The following EYS variants were observed in gnomAD, a reference collection of about 807,000 sequenced individuals.
The protein encoded by EYS is EGF-like photoreceptor maintenance factor.
In EYS, 250 loss-of-function variants were observed where a neutral mutation model predicts 282.1. The observed-to-expected ratio is 0.89, with a 90% CI of 0.80 to 0.98. EYS has a LOEUF of 0.98. EYS is among the 50% of genes least tolerant of loss of function. The pLI, the probability that EYS is intolerant of heterozygous loss-of-function variation, is 0.00. For missense variants in EYS, 4,016 were observed against 3,709.0 expected, an observed-to-expected ratio of 1.08 and a Z score of -2.15; for synonymous variants, 1,355 against 1,282.9, an observed-to-expected ratio of 1.06 and a Z score of -1.20.
At chr6:65,315,576 T>C (rs1769276242) in intron 11 of EYS, among the ~76,000 whole-genome samples, 1 of 150,952 alleles carries the variant, frequency 6.6e-6, no homozygotes, top group East Asian at 1.9e-4. Context: ...TTTTGCTCCA[T>C]ATTATGTTTG....
At chr6:65,092,148 T>G (rs899411432) in intron 12 of EYS, among the ~76,000 whole-genome samples, 1 of 152,132 alleles carries the variant, frequency 6.6e-6, no homozygotes, top group Non-Finnish European at 1.5e-5. Context: ...TAAAAGATAA[T>G]TTTTGGTTCT....
intron 12 of EYS, among the ~76,000 whole-genome samples, chr6:65,293,999 G>T (rs1768596716): frequency 6.6e-6 from 1 of 151,708 alleles, no homozygotes; most frequent in Admixed American, 6.6e-5. Context: ...AAATGGAGGG[G>T]GGAAAAGAGA....
At chr6:64,726,057 T>A (rs1771744983) in intron 22 of EYS, among the ~76,000 whole-genome samples, 2 of 152,148 alleles carry the variant, frequency 1.3e-5, no homozygotes, top group Admixed American at 6.5e-5. Flanking sequence ...GTATGTTGAC[T>A]TGACAATATC....
rs1769469559 is a variant in EYS, at chr6:64,306,965, T to G, written c.6191+5A>C. 7.3e-7 allele frequency: 1 copy of G among 1,371,474 alleles called. No homozygotes were observed. Among genetic ancestry groups the G allele is most frequent in the Non-Finnish European group, 1.0e-6 (1 of 986,500 alleles). The allele number at this position is 1,371,474 out of a possible 1,614,324, so 85.0% of individuals were successfully genotyped here. A position where few individuals can be genotyped will look rare whatever the true frequency, so the allele number is the denominator to read the frequency against. On this transcript the variant is annotated splice_donor_5th_base_variant and intron_variant, in intron 30 of 42. Coordinates refer to ENST00000503581, the MANE Select transcript of EYS (RefSeq NM_001142800.2). Reference sequence around the variant, plus strand: ...TTATTAGAAAAATCACTACTGCTATTTTACCTGCAATTGTTAATGTGATAG... The same window carrying G: ...TTATTAGAAAAATCACTACTGCTATGTTACCTGCAATTGTTAATGTGATAG...
chr6:64,441,393 A>C (rs1774941485), intron 26 of EYS, among the ~76,000 whole-genome samples: 1 of 152,206 alleles, frequency 6.6e-6, no homozygotes, highest in African/African-American at 2.4e-5. Context: ...CAGAGCTTTC[A>C]ATTGCAATTT....
intron 22 of EYS, among the ~76,000 whole-genome samples, chr6:64,725,569 T>C (rs1183611089): frequency 6.6e-6 from 1 of 152,152 alleles, no homozygotes; most frequent in African/African-American, 2.4e-5. Context: ...GAATACAATA[T>C]TAAATTTAAC....
chr6:64,635,492 G>T (rs1448282861), intron 22 of EYS, among the ~76,000 whole-genome samples: 1 of 152,098 alleles, frequency 6.6e-6, no homozygotes, highest in Non-Finnish European at 1.5e-5. Flanking sequence ...TTTGAGATAT[G>T]TCCCATCAAT....
chr6:65,378,170 C>T (rs950639151), intron 8 of EYS, among the ~76,000 whole-genome samples: 58 of 152,238 alleles, frequency 3.8e-4, no homozygotes, highest in African/African-American at 1.4e-3. Context: ...GTACAAAGAA[C>T]TTAAACAAAT....
At chr6:65,591,466 T>C (rs1242197130) in intron 2 of EYS, among the ~76,000 whole-genome samples, 1 of 151,974 alleles carries the variant, frequency 6.6e-6, no homozygotes, top group Non-Finnish European at 1.5e-5. Context: ...GTAAACACAA[T>C]ACATTTAAAA....
chr6:65,236,663 C>T (rs1035774315), intron 12 of EYS, among the ~76,000 whole-genome samples: 11 of 151,920 alleles, frequency 7.2e-5, no homozygotes, highest in Admixed American at 2.0e-4. Flanking sequence ...TTTGTGGCTA[C>T]CAAATATATG....
intron 30 of EYS, among the ~76,000 whole-genome samples, chr6:64,261,475 T>C (rs1360043737): frequency 6.6e-6 from 1 of 152,148 alleles, no homozygotes; most frequent in African/African-American, 2.4e-5. Flanking sequence ...TGTTTTTGTC[T>C]TATTTTATTG....
intron 35 of EYS, among the ~76,000 whole-genome samples, chr6:63,878,479 G>A (rs143500846): frequency 0.018 from 2,809 of 152,246 alleles, 79 homozygotes; most frequent in African/African-American, 0.064. Context: ...CTCCATGCTC[G>A]GAGAACCACT....
chr6:65,280,959 C>G (rs1447878779), intron 12 of EYS, among the ~76,000 whole-genome samples: 6 of 145,502 alleles, frequency 4.1e-5, no homozygotes, highest in Non-Finnish European at 9.0e-5. Context: ...TCGCTTGAAC[C>G]CAGGAGATGG....
intron 2 of EYS, among the ~76,000 whole-genome samples, chr6:65,558,353 C>T (rs367859299): frequency 2.6e-5 from 4 of 152,328 alleles, no homozygotes; most frequent in Non-Finnish European, 4.4e-5. Flanking sequence ...TATGACGGTG[C>T]CTGGGCTCGG....
rs1175129177 is a variant in EYS at position 65,707,130 on chromosome 6, C to T, written c.-448+5G>A. 3 of 152,088 alleles carry T rather than the reference C, an allele frequency of 2.0e-5. No homozygotes were observed. The highest frequency in any genetic ancestry group is 4.4e-5 in the Non-Finnish European group (3 of 68,018). 9.4% of individuals were successfully genotyped at this position (152,088 alleles called of 1,614,324 possible). On this transcript the variant is annotated splice_donor_5th_base_variant and intron_variant, in intron 1 of 42. Coordinates refer to ENST00000503581, the MANE Select transcript of EYS (RefSeq NM_001142800.2). ...AATTTCTAGGTGGAATCAAGTATAA[C>T]TTACCCCAACCATTAGCCAAGGAGG...
intron 33 of EYS, among the ~76,000 whole-genome samples, chr6:64,021,813 A>G (rs1769206594): frequency 6.6e-6 from 1 of 152,300 alleles, no homozygotes; most frequent in Non-Finnish European, 1.5e-5. Context: ...TAGTTACCTA[A>G]AAGTTCTCTA....
At chr6:63,939,510 G>A (rs1208046503) in intron 35 of EYS, among the ~76,000 whole-genome samples, 3 of 152,120 alleles carry the variant, frequency 2.0e-5, no homozygotes, top group Admixed American at 6.5e-5. Flanking sequence ...GAATTTTAAT[G>A]AGAAATATTT....
chr6:64,923,415 T>G (rs1012450284), intron 15 of EYS, among the ~76,000 whole-genome samples: 1 of 152,130 alleles, frequency 6.6e-6, no homozygotes, highest in Non-Finnish European at 1.5e-5. Context: ...GATATACAAT[T>G]CAAGTTGAGA....
At chr6:64,012,679 G>C (rs1320732234) in intron 33 of EYS, among the ~76,000 whole-genome samples, 1 of 152,132 alleles carries the variant, frequency 6.6e-6, no homozygotes, top group Non-Finnish European at 1.5e-5. Context: ...TTAAGGAAAT[G>C]CTGTTTCCTA....
Sources: allele counts gnomAD v4.1 joint callset (sites outside exome capture counted in the v4.1 genomes callset), GRCh38; gene constraint gnomAD v4.1.1; transcripts MANE v1.5; gene names NCBI Gene and HGNC (gene_info 2026-07-23, HGNC 2026-07-21).